The following STPG2 variants were observed in gnomAD, a reference collection of about 807,000 sequenced individuals.
The protein encoded by STPG2 is sperm-tail PG-rich repeat-containing protein 2.
Under a neutral mutation model 54.2 loss-of-function variants are expected in STPG2, and 56 were observed. The observed-to-expected ratio is 1.03, with a 90% confidence interval of 0.83 to 1.29. The LOEUF (loss-of-function observed/expected upper bound fraction) is 1.29. STPG2 is among the 50% of genes most tolerant of loss of function. The probability of loss-of-function intolerance (pLI) is 0.00; values close to 1 mark genes in which losing one functional copy is unlikely to be tolerated. For synonymous variants in STPG2, 200 were observed against 181.8 expected (o/e 1.10, Z -0.81); for missense variants, 596 against 544.9 (o/e 1.09, Z -0.93).
chr4:97,466,022 C>G (rs563300617), intron 4 of STPG2, among the ~76,000 whole-genome samples: 2 of 151,972 alleles, frequency 1.3e-5, no homozygotes, highest in African/African-American at 4.8e-5. Context: ...TGTTCAAAAC[C>G]AAAAATAGCC....
chr4:97,643,380 G>A (rs1200612507), intron 10 of STPG2, among the ~76,000 whole-genome samples: 1 of 151,550 alleles, frequency 6.6e-6, no homozygotes, highest in Non-Finnish European at 1.5e-5. Flanking sequence ...TCTTTGTACA[G>A]TCACATTTTA....
At chr4:97,989,103 C>G (rs1181171986) in intron 5 of STPG2, among the ~76,000 whole-genome samples, 1 of 152,122 alleles carries the variant, frequency 6.6e-6, no homozygotes, top group Non-Finnish European at 1.5e-5. Context: ...TGAGCAGATT[C>G]TTGCCATTAT....
intron 10 of STPG2, among the ~76,000 whole-genome samples, chr4:97,613,579 G>A (rs1218224393): frequency 6.6e-6 from 1 of 151,366 alleles, no homozygotes; most frequent in East Asian, 1.9e-4. Context: ...CCATCTCCTG[G>A]AGGTGGAAGT....
chr4:97,818,945 TATATAAATATACATATTTATATATA>T (rs1185255796), intron 9 of STPG2, among the ~76,000 whole-genome samples: 2 of 147,918 alleles, frequency 1.4e-5, no homozygotes, highest in Non-Finnish European at 3.0e-5. Flanking sequence ...ATGTATCTCT[TATATAAATATACATATTTATATATA>T]ATATAAATAA....
intron 4 of STPG2, among the ~76,000 whole-genome samples, chr4:97,504,023 ATTTT>A (rs960170864): frequency 5.5e-5 from 8 of 144,608 alleles, no homozygotes; most frequent in Non-Finnish European, 9.1e-5. Context: ...ATATAAACAT[ATTTT>A]TTATTTTTAA....
intron 9 of STPG2, among the ~76,000 whole-genome samples, chr4:97,805,610 G>A (rs1727534948): frequency 6.6e-6 from 1 of 152,088 alleles, no homozygotes; most frequent in Non-Finnish European, 1.5e-5. Flanking sequence ...CTTAAGAATG[G>A]GGTTATTCCT....
At chr4:97,732,552 A>C (rs1412329681) in intron 9 of STPG2, among the ~76,000 whole-genome samples, 1 of 152,214 alleles carries the variant, frequency 6.6e-6, no homozygotes, top group Admixed American at 6.5e-5. Flanking sequence ...CAAATGCAAC[A>C]AAAAGAAAAA....
intron 7 of STPG2, among the ~76,000 whole-genome samples, chr4:97,967,537 C>T (rs1202125333): frequency 6.6e-6 from 1 of 152,158 alleles, no homozygotes; most frequent in East Asian, 1.9e-4. Flanking sequence ...CTCTCCACCC[C>T]AAATCAACAG....
chr4:97,901,676 A>G (rs900856432), intron 8 of STPG2, among the ~76,000 whole-genome samples: 50 of 152,012 alleles, frequency 3.3e-4, no homozygotes, highest in African/African-American at 1.2e-3. Context: ...AATAGAAGAT[A>G]CAAATAAATG....
At chr4:97,921,949 T>C (rs181404589) in intron 8 of STPG2, among the ~76,000 whole-genome samples, 1 of 152,160 alleles carries the variant, frequency 6.6e-6, no homozygotes, top group Non-Finnish European at 1.5e-5. Flanking sequence ...ATGATTTCAC[T>C]TATATGTTGA....
At chr4:97,724,427 T>A (rs932799406) in intron 9 of STPG2, among the ~76,000 whole-genome samples, 4 of 152,140 alleles carry the variant, frequency 2.6e-5, no homozygotes, top group African/African-American at 9.7e-5. Flanking sequence ...GTTTAAAAAT[T>A]CTCTTTATGA....
At chr4:97,729,080 TCTC>T (rs1724715094) in intron 9 of STPG2, among the ~76,000 whole-genome samples, 1 of 151,266 alleles carries the variant, frequency 6.6e-6, no homozygotes, top group East Asian at 1.9e-4. Context: ...TCTCTCTCTC[TCTC>T]TCTCTCTCTC....
intron 5 of STPG2, among the ~76,000 whole-genome samples, chr4:98,024,055 T>C (rs1356278963): frequency 6.6e-6 from 1 of 152,148 alleles, no homozygotes; most frequent in Non-Finnish European, 1.5e-5. Context: ...ACCCACTGTC[T>C]GGCACTCCCT....
intron 6 of STPG2, 131 bp downstream of exon 6, chr4:97,981,012 TAGTGAATGCTTTAAAA>T: frequency 1.4e-6 from 1 of 692,108 alleles, no homozygotes; most frequent in Non-Finnish European, 2.3e-6. Flanking sequence ...GTTTAATGTA[TAGTGAATGCTTTAAAA>T]AATGTTGACT....
At chr4:97,863,172 A>G (rs868059476) in intron 8 of STPG2, among the ~76,000 whole-genome samples, 5 of 152,188 alleles carry the variant, frequency 3.3e-5, no homozygotes, top group Non-Finnish European at 5.9e-5. Flanking sequence ...GTTTTTTGAA[A>G]AGATCAATGA....
chr4:97,999,011 T>C (rs1055269784), intron 5 of STPG2, among the ~76,000 whole-genome samples: 5 of 135,176 alleles, frequency 3.7e-5, no homozygotes, highest in Non-Finnish European at 8.3e-5. Context: ...TCTATTTGTA[T>C]TTTTTTTTCT....
intron 4 of STPG2, among the ~76,000 whole-genome samples, chr4:97,480,826 A>C (rs1323417032): frequency 6.6e-6 from 1 of 151,522 alleles, no homozygotes; most frequent in Non-Finnish European, 1.5e-5. Context: ...ATCTGAATAA[A>C]CTATATGTTT....
intron 10 of STPG2, among the ~76,000 whole-genome samples, chr4:97,570,619 C>G (rs1732575627): frequency 6.6e-6 from 1 of 151,834 alleles, no homozygotes. Context: ...AGGTTAACCA[C>G]TGAAGACAAT....
At chr4:97,663,345 ATT>A (rs1225040054) in intron 10 of STPG2, among the ~76,000 whole-genome samples, 5 of 152,210 alleles carry the variant, frequency 3.3e-5, no homozygotes, top group Non-Finnish European at 7.4e-5. Context: ...GTAAAATAAA[ATT>A]TAAAAAACAA....
Sources: gnomAD v4.1 joint callset for allele counts (sites outside exome capture counted in the v4.1 genomes callset) on GRCh38, gnomAD v4.1.1 for gene constraint, MANE v1.5 for transcripts, NCBI Gene and HGNC (gene_info 2026-07-23, HGNC 2026-07-21) for gene names.